Variants in RNF169 observed in about 807,000 individuals in gnomAD.
RNF169 encodes E3 ubiquitin-protein ligase RNF169.
In RNF169, 24 loss-of-function variants were observed where a neutral mutation model predicts 53.9. The observed-to-expected ratio is 0.45, with a 90% CI of 0.32 to 0.63. RNF169 has a LOEUF of 0.63. RNF169 is among the 20% of genes least tolerant of loss of function. The pLI is 0.04. For synonymous variants in RNF169, 396 were observed against 363.5 expected (o/e 1.09, Z -1.02); for missense variants, 883 against 906.2 (o/e 0.97, Z 0.33).
chr11:74,793,319 A>G (rs993654713), intron 2 of RNF169, among the ~76,000 whole-genome samples: 1 of 152,216 alleles, frequency 6.6e-6, no homozygotes, highest in African/African-American at 2.4e-5. Context: ...AAAAGTTTCT[A>G]CTGAGCAAAG....
intron 4 of RNF169, among the ~76,000 whole-genome samples, chr11:74,820,712 T>A (rs368004803): frequency 6.6e-6 from 1 of 152,238 alleles, no homozygotes; most frequent in East Asian, 1.9e-4. Flanking sequence ...GGAATATGGC[T>A]GGAAAAGGAA....
chr11:74,777,781 A>G (rs2035358196), intron 1 of RNF169, among the ~76,000 whole-genome samples: 1 of 151,816 alleles, frequency 6.6e-6, no homozygotes, highest in Non-Finnish European at 1.5e-5. Flanking sequence ...AATATGCACC[A>G]CCATGCTTGG....
At chr11:74,822,467 G>A (rs182180294) in intron 4 of RNF169, among the ~76,000 whole-genome samples, 25 of 152,074 alleles carry the variant, frequency 1.6e-4, no homozygotes, top group African/African-American at 5.8e-4. Flanking sequence ...TTTTCAGACA[G>A]TGCTGCTTTC....
intron 3 of RNF169, among the ~76,000 whole-genome samples, chr11:74,813,714 A>G (rs1476122494): frequency 6.6e-6 from 1 of 152,150 alleles, no homozygotes; most frequent in Non-Finnish European, 1.5e-5. Flanking sequence ...TTTGAGACGG[A>G]GTCTCGCTCT....
At chr11:74,786,270 G>C (rs1411649247) in intron 1 of RNF169, among the ~76,000 whole-genome samples, 2 of 140,370 alleles carry the variant, frequency 1.4e-5, no homozygotes, top group African/African-American at 2.6e-5. Context: ...TTTAAGAGTT[G>C]AAGTCTTGCT....
intron 2 of RNF169, chr11:74,807,987 TGTTAGCA>T (rs1426329566): frequency 1.3e-5 from 2 of 152,206 alleles, no homozygotes; most frequent in African/African-American, 4.8e-5. Context: ...GCTAATGGTC[TGTTAGCA>T]GTGGCTCAGC....
intron 1 of RNF169, among the ~76,000 whole-genome samples, chr11:74,766,926 C>T (rs2035183328): frequency 6.6e-6 from 1 of 152,162 alleles, no homozygotes; most frequent in African/African-American, 2.4e-5. Context: ...TTAACAAAAT[C>T]ACACAAGAAC....
chr11:74,806,468 G>A (rs2035806905), intron 2 of RNF169, among the ~76,000 whole-genome samples: 1 of 152,136 alleles, frequency 6.6e-6, no homozygotes, highest in Admixed American at 6.5e-5. Flanking sequence ...ATACACTCCA[G>A]AGAACAGTGT....
At chr11:74,787,309 A>G (rs2035517420) in intron 1 of RNF169, among the ~76,000 whole-genome samples, 1 of 152,228 alleles carries the variant, frequency 6.6e-6, no homozygotes, top group African/African-American at 2.4e-5. Context: ...ATTTTTCTTA[A>G]CAAATCAAGA....
intron 2 of RNF169, 34 bp from the exon 3 acceptor site, chr11:74,810,150 A>G (rs374602878): frequency 1.9e-6 from 3 of 1,577,118 alleles, no homozygotes; most frequent in Non-Finnish European, 2.6e-6. Context: ...AGAGTTGCCT[A>G]AAACTACTGT....
chr11:74,803,997 G>A (rs538349870), intron 2 of RNF169, among the ~76,000 whole-genome samples: 1 of 152,126 alleles, frequency 6.6e-6, no homozygotes, highest in East Asian at 1.9e-4. Context: ...ATGTTATTTT[G>A]TTCAACATCA....
rs907479420 is a variant in RNF169 at position 74,823,309 on chromosome 11, T to C, written c.842+5595T>C. ...ACTTTGCCTGGTGACATGAGCAAAA[T>C]TGGCAGAGCAGGGAACTCCAAAAGC... On this transcript the variant is annotated intron_variant, in intron 4 of 5. Transcript: ENST00000299563. Among the ~76,000 whole-genome samples the C allele has an allele frequency of 9.8e-4, 149 of 152,288 alleles. 1 individual carries two copies. Among genetic ancestry groups the C allele is most frequent in the African/African-American group, 3.5e-3 (145 of 41,554 alleles).
At chr11:74,790,476 G>A (rs112727198) in intron 2 of RNF169, among the ~76,000 whole-genome samples, 81 of 152,310 alleles carry the variant, frequency 5.3e-4, no homozygotes, top group African/African-American at 1.9e-3. Flanking sequence ...TTGGGGTGTC[G>A]CTTTGCCAGC....
At chr11:74,781,820 C>T (rs2135066073) in intron 1 of RNF169, among the ~76,000 whole-genome samples, 1 of 152,320 alleles carries the variant, frequency 6.6e-6, no homozygotes, top group South Asian at 2.1e-4. Context: ...CTTTCACTTA[C>T]AGCAGTGGTA....
intron 4 of RNF169, among the ~76,000 whole-genome samples, chr11:74,834,255 A>T (rs1244035667): frequency 1.3e-5 from 2 of 152,226 alleles, no homozygotes; most frequent in African/African-American, 4.8e-5. Context: ...ACTGCTGTGC[A>T]TTTTTGTAAG....
In RNF169 at chr11:74,841,498, A is replaced by T. The variant is rs1303757918; in HGVS notation, c.*4768A>T. ...GAAAAAGTGCCAAGACTGGATGTGC[A>T]GATTGTTCTATGTATTATCAGTATT... On this transcript the variant is annotated 3_prime_UTR_variant, in exon 6 of 6. Coordinates refer to ENST00000299563, the MANE Select transcript of RNF169 (RefSeq NM_001098638.2). The T allele has an allele frequency of 6.6e-6, 1 of 152,216 alleles. No individual in the cohort carries two copies. The highest frequency in any genetic ancestry group is 1.9e-4 in the East Asian group (1 of 5,198). 9.4% of individuals were successfully genotyped at this position (152,216 alleles called of 1,614,324 possible). A position where few individuals can be genotyped will look rare whatever the true frequency, so the allele number is the denominator to read the frequency against.
intron 2 of RNF169, among the ~76,000 whole-genome samples, chr11:74,806,339 G>A (rs1182555025): frequency 1.3e-5 from 2 of 152,140 alleles, no homozygotes; most frequent in Non-Finnish European, 2.9e-5. Flanking sequence ...ATAGTACTGA[G>A]TGTCAGCAAG....
rs567955739 is a variant in RNF169 at position 74,827,124 on chromosome 11, G to A, written c.843-7552G>A. On this transcript the variant is annotated intron_variant, in intron 4 of 5. Coordinates refer to ENST00000299563, the MANE Select transcript of RNF169 (RefSeq NM_001098638.2). ...CAGCAGACTTCTGCCTGGACATCCC[G>A]GCATTTGCATACATTCTGTGTAATC... Among the ~76,000 whole-genome samples, 7 of 152,268 alleles carry A rather than the reference G, an allele frequency of 4.6e-5. No individual in the cohort carries two copies. In the South Asian group the frequency reaches 8.3e-4, roughly 18 times the overall value.
intron 4 of RNF169, among the ~76,000 whole-genome samples, chr11:74,833,532 G>A (rs371547765): frequency 2.6e-5 from 4 of 152,130 alleles, no homozygotes; most frequent in African/African-American, 9.7e-5. Flanking sequence ...CCTTTATGCC[G>A]TTTCTGCTTC....
Sources: allele counts gnomAD v4.1 joint callset (sites outside exome capture counted in the v4.1 genomes callset), GRCh38; gene constraint gnomAD v4.1.1; transcripts MANE v1.5; gene names NCBI Gene and HGNC (gene_info 2026-07-23, HGNC 2026-07-21).